Variants in GRAMD2A observed in about 807,000 individuals in gnomAD.
GRAMD2A encodes GRAM domain-containing protein 2A.
Under a neutral mutation model 51.1 loss-of-function variants are expected in GRAMD2A, and 37 were observed. That is an observed-to-expected ratio of 0.72 (90% CI 0.56 to 0.95). GRAMD2A has a LOEUF of 0.95. Among genes scored for constraint, GRAMD2A ranks in the 40% least tolerant of loss-of-function variants. GRAMD2A has a pLI of 0.00. For synonymous variants in GRAMD2A, 136 were observed against 157.1 expected (o/e 0.87, Z 1.01); for missense variants, 414 against 426.9 (o/e 0.97, Z 0.27).
rs1341320699 is a variant in GRAMD2A at position 72,161,437 on chromosome 15, TCCCCTCTGCATTCACAGATTCTCAGCAGG to T, written c.*543_*571del. 4 of 154,338 alleles carry T rather than the reference TCCCCTCTGCATTCACAGATTCTCAGCAGG, an allele frequency of 2.6e-5. No individual in the cohort carries two copies. The highest frequency in any genetic ancestry group is 9.6e-5 in the African/African-American group (4 of 41,476). The allele number at this position is 154,338 out of a possible 1,614,324, so 9.6% of individuals were successfully genotyped here. A position where few individuals can be genotyped will look rare whatever the true frequency, so the allele number is the denominator to read the frequency against. ...TGGCTGGAATCCTGGCCATGAGCCC[TCCCCTCTGCATTCACAGATTCTCAGCAGG>T]CCCCTGCCCAAGCCTGACAGGTGCC... is the stretch of plus-strand genomic sequence containing the variant. On this transcript the variant is annotated 3_prime_UTR_variant, in exon 12 of 12. Transcript: ENST00000309731.
rs1596685212 is a variant in GRAMD2A, at chr15:72,170,457, A to G, written c.42-518T>C. On this transcript the variant is annotated intron_variant, in intron 1 of 11. Transcript: ENST00000309731. This position sits in a 1 kb window ranked among gnomAD's most constrained non-coding sequence, Gnocchi z 4.5. ...GGGAGGTGGACGCCCATCAGCCTAC[A>G]GGTGAGTGTGGCCAGGAGGGGAGGA... 2.2e-6 allele frequency: 1 copy of G among 454,742 alleles called. No homozygotes were observed. Among genetic ancestry groups the G allele is most frequent in the Admixed American group, 2.4e-5 (1 of 42,494 alleles). The allele number at this position is 454,742 out of a possible 1,614,324, so 28.2% of individuals were successfully genotyped here. A position where few individuals can be genotyped will look rare whatever the true frequency, so the allele number is the denominator to read the frequency against.
intron 1 of GRAMD2A, among the ~76,000 whole-genome samples, chr15:72,187,106 G>A (rs536903072): frequency 8.6e-5 from 13 of 151,926 alleles, no homozygotes; most frequent in African/African-American, 3.1e-4. Flanking sequence ...GGTAGAGTGA[G>A]CTGAGATAGC....
At chr15:72,194,002 C>T (rs1278809384) in intron 1 of GRAMD2A, among the ~76,000 whole-genome samples, 1 of 152,192 alleles carries the variant, frequency 6.6e-6, no homozygotes, top group Non-Finnish European at 1.5e-5. Context: ...AGCTCCATTC[C>T]CAGGGGCTTC....
At chr15:72,187,482 C>T (rs2081741613) in intron 1 of GRAMD2A, among the ~76,000 whole-genome samples, 1 of 149,964 alleles carries the variant, frequency 6.7e-6, no homozygotes. Flanking sequence ...AAAAAGAAAA[C>T]TAAAAAAAAA....
At chr15:72,191,110 T>C (rs941824474) in intron 1 of GRAMD2A, among the ~76,000 whole-genome samples, 3 of 152,190 alleles carry the variant, frequency 2.0e-5, no homozygotes, top group Non-Finnish European at 4.4e-5. Flanking sequence ...CATACCACGA[T>C]TTTGAAAACT....
intron 1 of GRAMD2A, among the ~76,000 whole-genome samples, chr15:72,182,362 C>CAAAA (rs36075463): frequency 6.3e-5 from 3 of 47,544 alleles, no homozygotes; most frequent in Admixed American, 2.1e-4. Context: ...GAGACTGTCT[C>CAAAA]AAAAAAAAAA....
Position 72,165,428 on chromosome 15 carries a change from C to G in GRAMD2A, c.544-18G>C, listed in dbSNP as rs747905045. ...CTGGAAGGCTGAGGAGGAAAGGGAA[C>G]AGCAGTCACTTGTCCATCTGGAACA... On this transcript the variant is annotated intron_variant, in intron 7 of 11. Coordinates refer to ENST00000309731, the MANE Select transcript of GRAMD2A (RefSeq NM_001012642.3). 6.2e-7 allele frequency: 1 copy of G among 1,613,456 alleles called. No homozygotes were observed. Among genetic ancestry groups the G allele is most frequent in the African/African-American group, 1.3e-5 (1 of 74,932 alleles).
chr15:72,174,792 C>T (rs995444468), intron 1 of GRAMD2A, among the ~76,000 whole-genome samples: 6 of 152,148 alleles, frequency 3.9e-5, no homozygotes, highest in Admixed American at 3.3e-4. Flanking sequence ...ATGGCACCAG[C>T]ACAGGGAGAT....
In GRAMD2A at chr15:72,161,592, T is replaced by C. The variant is rs2081476415; in HGVS notation, c.*417A>G. The C allele has an allele frequency of 1.7e-5, 4 of 231,592 alleles. No individual in the cohort carries two copies. The highest frequency in any genetic ancestry group is 3.4e-5 in the Non-Finnish European group (4 of 116,046). 14.3% of individuals were successfully genotyped at this position (231,592 alleles called of 1,614,324 possible). On this transcript the variant is annotated 3_prime_UTR_variant, in exon 12 of 12. Transcript: ENST00000309731. ...CTGACCTCTGACCCCACCATAGGAG[T>C]GAGCTGTGTGGCAGAGCCACATTCC...
chr15:72,189,197 A>C (rs1291684610), intron 1 of GRAMD2A, among the ~76,000 whole-genome samples: 1 of 152,208 alleles, frequency 6.6e-6, no homozygotes, highest in East Asian at 1.9e-4. Context: ...ATGAATAGAC[A>C]CCTCTGAAAT....
At chr15:72,162,437 G>T in intron 10 of GRAMD2A, 60 bp from the exon 11 acceptor site, 1 of 1,305,924 alleles carries the variant, frequency 7.7e-7, no homozygotes, top group Non-Finnish European at 1.1e-6. Context: ...ATTTCTGGAA[G>T]TTCACCGGAA....
chr15:72,165,280 C>G, intron 8 of GRAMD2A, 74 bp downstream of exon 8: 2 of 1,370,060 alleles, frequency 1.5e-6, no homozygotes, highest in Admixed American at 3.4e-5. Flanking sequence ...GTGGGCCCCC[C>G]TAGGAGGCCC....
intron 1 of GRAMD2A, 46 bp from the exon 2 acceptor site, chr15:72,169,985 A>G (rs201627752): frequency 4.5e-5 from 63 of 1,406,412 alleles, no homozygotes; most frequent in Non-Finnish European, 6.0e-5. Context: ...TCATGAGGAC[A>G]CCTTTCCCTA....
chr15:72,197,681 C>G, intron 1 of GRAMD2A, 50 bp downstream of exon 1: 1 of 1,261,866 alleles, frequency 7.9e-7, no homozygotes, highest in South Asian at 2.4e-5. Context: ...CAGCCCCTCG[C>G]GGCGGCCTCC....
At chr15:72,165,878 GT>G (rs1216959283) in intron 7 of GRAMD2A, among the ~76,000 whole-genome samples, 1 of 148,182 alleles carries the variant, frequency 6.7e-6, no homozygotes, top group East Asian at 2.0e-4. Context: ...GTTTTTTTTT[GT>G]TTTTTTGAGA....
At chr15:72,164,485 A>T (rs2081518813) in intron 8 of GRAMD2A, among the ~76,000 whole-genome samples, 1 of 150,096 alleles carries the variant, frequency 6.7e-6, no homozygotes, top group Non-Finnish European at 1.5e-5. Context: ...GGCTCACTGC[A>T]GCCTTAACCT....
intron 1 of GRAMD2A, among the ~76,000 whole-genome samples, chr15:72,184,149 C>T (rs1020743933): frequency 1.3e-5 from 2 of 152,240 alleles, no homozygotes; most frequent in South Asian, 4.1e-4. Context: ...AGGGACTGCC[C>T]TCGCCCCACG....
At chr15:72,173,456 T>A (rs2081628685) in intron 1 of GRAMD2A, 1 of 152,226 alleles carries the variant, frequency 6.6e-6, no homozygotes, top group Non-Finnish European at 1.5e-5. Flanking sequence ...ACTGTGTCTG[T>A]GTGCCATGAC....
intron 1 of GRAMD2A, among the ~76,000 whole-genome samples, chr15:72,187,069 GA>G (rs2081739355): frequency 6.6e-6 from 1 of 151,730 alleles, no homozygotes; most frequent in African/African-American, 2.4e-5. Flanking sequence ...ACTGAGGCAG[GA>G]AAATCACTTG....
Sources: gnomAD v4.1 joint callset for allele counts (sites outside exome capture counted in the v4.1 genomes callset) on GRCh38, gnomAD v4.1.1 for gene constraint, Gnocchi (gnomAD v3.1) non-coding constraint, MANE v1.5 for transcripts, NCBI Gene and HGNC (gene_info 2026-07-23, HGNC 2026-07-21) for gene names.